Variants in PTPN9 observed in about 807,000 individuals in gnomAD.
The protein encoded by PTPN9 is tyrosine-protein phosphatase non-receptor type 9.
A neutral mutation model predicts 69.8 loss-of-function variants in PTPN9; 26 were observed. The ratio of observed to expected loss-of-function variants is 0.37; its 90% CI spans 0.27 to 0.52. The LOEUF (loss-of-function observed/expected upper bound fraction) is 0.52, where lower values mean the gene tolerates loss of function less well. PTPN9 is among the 20% of genes least tolerant of loss of function. PTPN9 has a pLI of 0.91. For missense variants in PTPN9, 549 were observed against 740.3 expected (o/e 0.74, Z 3.00); for synonymous variants, 274 against 272.5 (o/e 1.01, Z -0.05).
intron 7 of PTPN9, among the ~76,000 whole-genome samples, chr15:75,490,774 G>A (rs1407142178): frequency 6.6e-6 from 1 of 152,054 alleles, no homozygotes; most frequent in Non-Finnish European, 1.5e-5. Context: ...ACAGGCTCCC[G>A]CCACCACGCC....
intron 8 of PTPN9, among the ~76,000 whole-genome samples, chr15:75,483,815 A>G (rs747134249): frequency 1.3e-5 from 2 of 152,196 alleles, no homozygotes; most frequent in Non-Finnish European, 2.9e-5. Flanking sequence ...CAAACTGACA[A>G]ACTGCATCTG....
chr15:75,494,550 G>C (rs922492788), intron 7 of PTPN9, among the ~76,000 whole-genome samples: 1 of 151,464 alleles, frequency 6.6e-6, no homozygotes, highest in Admixed American at 6.6e-5. Context: ...ACGGGGTTTC[G>C]CCATGTTGGC....
intron 1 of PTPN9, among the ~76,000 whole-genome samples, chr15:75,570,498 A>C (rs766150334): frequency 1.6e-4 from 25 of 152,128 alleles, no homozygotes; most frequent in Admixed American, 6.6e-4. Context: ...GACTGGGCAC[A>C]GTGGCTCATG....
Position 75,527,250 on chromosome 15 carries a change from C to T in PTPN9, c.75G>A (p.Gln25=), listed in dbSNP as rs1269035303. 2 of 1,614,056 alleles carry T rather than the reference C, an allele frequency of 1.2e-6. No individual in the cohort carries two copies. The highest frequency in any genetic ancestry group is 1.7e-5 in the Admixed American group (1 of 59,990). ...TCCACTTGTTAATCTCTTCGAGAAA[C>T]TGCTTGGTAGCCTGTTTGACAAAGA... ...LTPEEEQATK[Q]FLEEINKWTV... is the part of the protein sequence containing the mutation. Residue 25 remains glutamine, a synonymous_variant, in exon 2 of 13, where the codon CAG becomes CAA. Transcript: ENST00000618819.
chr15:75,531,364 C>T (rs1323835526), intron 1 of PTPN9, among the ~76,000 whole-genome samples: 3 of 152,018 alleles, frequency 2.0e-5, no homozygotes, highest in Admixed American at 6.6e-5. Flanking sequence ...GCTGAAGCCA[C>T]GCCAGAGAAA....
At chr15:75,507,476 A>C (rs1366210353) in intron 6 of PTPN9, among the ~76,000 whole-genome samples, 2 of 149,680 alleles carry the variant, frequency 1.3e-5, no homozygotes, top group Non-Finnish European at 3.0e-5. Flanking sequence ...GAAAGAAAAG[A>C]TCTCTCCTGG....
intron 1 of PTPN9, among the ~76,000 whole-genome samples, chr15:75,537,034 T>C (rs921755643): frequency 6.6e-6 from 1 of 152,130 alleles, no homozygotes; most frequent in Non-Finnish European, 1.5e-5. Flanking sequence ...ACAAAGGAAC[T>C]TTTACAATTT....
At chr15:75,503,616 G>T (rs1334641732) in intron 7 of PTPN9, among the ~76,000 whole-genome samples, 2 of 141,982 alleles carry the variant, frequency 1.4e-5, no homozygotes, top group Admixed American at 6.8e-5. Context: ...CCCCCGCCCG[G>T]CCAGCCGCCC....
At position 75,468,825 on chromosome 15, in the gene PTPN9, C is replaced by T. The variant is rs2074549458; in HGVS notation, c.1726G>A (p.Glu576Lys). Reference protein sequence around the residue: ...FCYKAILEFAEKEGMVSSGQN... With the variant: ...FCYKAILEFAKKEGMVSSGQN... ...CCAGAGGATACCATGCCCTCCTTCTCTGCGAACTCCAGGATGGCCTTGTAG... is the reference window on the plus strand; with the variant it reads ...CCAGAGGATACCATGCCCTCCTTCTTTGCGAACTCCAGGATGGCCTTGTAG... The change falls in exon 13 of 13, where the codon GAG becomes AAG. Residue 576 changes from glutamate to lysine, a missense_variant. Physicochemically the swap from Glu to Lys is moderately conservative, Grantham distance 56. Coordinates refer to ENST00000618819, the MANE Select transcript of PTPN9 (RefSeq NM_002833.4). The T allele has an allele frequency of 1.2e-6, 2 of 1,614,072 alleles. No homozygotes were observed. The highest frequency in any genetic ancestry group is 2.7e-5 in the African/African-American group (2 of 74,930).
chr15:75,482,362 G>C (rs1230506812), intron 8 of PTPN9, among the ~76,000 whole-genome samples: 2 of 152,098 alleles, frequency 1.3e-5, no homozygotes, highest in Non-Finnish European at 2.9e-5. Flanking sequence ...TCAGGAGATC[G>C]AGACCATCCT....
chr15:75,471,609 G>GAA lies in PTPN9; in HGVS notation c.1209-781_1209-780dup, dbSNP rs35968452. On this transcript the variant is annotated intron_variant, in intron 10 of 12. Transcript: ENST00000618819. ...CAAAGTGAGACTCTGTCTCAAAAAA[G>GAA]AAAAAAAAAAAAAAAAAAGGCCTAG... is the stretch of plus-strand genomic sequence containing the variant. Among the ~76,000 whole-genome samples, 891 of 102,746 alleles carry GAA rather than the reference G, an allele frequency of 8.7e-3. 20 individuals are homozygous for GAA. The highest frequency in any genetic ancestry group is 0.024 in the African/African-American group (724 of 29,720). 67.4% of individuals were successfully genotyped at this position (102,746 alleles called of 152,430 possible). A position where few individuals can be genotyped will look rare whatever the true frequency, so the allele number is the denominator to read the frequency against.
chr15:75,504,178 G>A (rs1251297381), intron 7 of PTPN9, among the ~76,000 whole-genome samples: 6 of 124,540 alleles, frequency 4.8e-5, no homozygotes, highest in South Asian at 2.7e-4. Flanking sequence ...AGGGAGGTGG[G>A]GGGGTCAGCC....
intron 1 of PTPN9, among the ~76,000 whole-genome samples, chr15:75,570,507 T>C (rs1366608442): frequency 6.6e-6 from 1 of 152,188 alleles, no homozygotes; most frequent in African/African-American, 2.4e-5. Flanking sequence ...CAGTGGCTCA[T>C]GCCTGTAATC....
rs1036735876 is a variant in PTPN9, at chr15:75,503,093, G to T, written c.968+2582C>A. ...AAGTGAGGAGCGTCTCTGCCTGGCC[G>T]CCCATCGTCTGGGACGTGAGGAGCC... On this transcript the variant is annotated intron_variant, in intron 7 of 12. Coordinates refer to ENST00000618819, the MANE Select transcript of PTPN9 (RefSeq NM_002833.4). 3.3e-5 allele frequency among the ~76,000 whole-genome samples: 5 copies of T among 151,570 alleles called. No homozygotes were observed. The South Asian group carries it at 8.4e-4, about 25-fold the overall frequency.
Position 75,578,854 on chromosome 15 carries a change from G to C in PTPN9, c.-78C>G. On this transcript the variant is annotated 5_prime_UTR_variant, in exon 1 of 13. Transcript: ENST00000618819. ...CGGCGCGCTCGGCCTCCGCTTCCGC[G>C]TCCCCGCGCCTCAGCAGCCCGGGGC... is the stretch of plus-strand genomic sequence containing the variant. 2.0e-6 allele frequency: 2 copies of C among 1,025,424 alleles called. No individual in the cohort carries two copies. Among genetic ancestry groups the C allele is most frequent in the Non-Finnish European group, 2.5e-6 (2 of 813,928 alleles). 63.5% of individuals were successfully genotyped at this position (1,025,424 alleles called of 1,614,324 possible).
chr15:75,548,810 C>A (rs1316045586), intron 1 of PTPN9, among the ~76,000 whole-genome samples: 2 of 151,756 alleles, frequency 1.3e-5, no homozygotes, highest in African/African-American at 2.4e-5. Flanking sequence ...CCCGCCACCA[C>A]GCCCGGCTAA....
At chr15:75,578,022 T>TAAAA (rs1487700787) in intron 1 of PTPN9, among the ~76,000 whole-genome samples, 2 of 152,150 alleles carry the variant, frequency 1.3e-5, no homozygotes, top group Non-Finnish European at 2.9e-5. Context: ...CATAGGCTTT[T>TAAAA]AAGGAACAAT....
chr15:75,567,996 A>G (rs1192267592), intron 1 of PTPN9, among the ~76,000 whole-genome samples: 1 of 94,470 alleles, frequency 1.1e-5, no homozygotes, highest in African/African-American at 3.3e-5. Flanking sequence ...ACTCCGTCTC[A>G]AAAAAAAAAA....
intron 1 of PTPN9, among the ~76,000 whole-genome samples, chr15:75,558,105 G>A (rs1396255728): frequency 6.6e-6 from 1 of 152,092 alleles, no homozygotes; most frequent in African/African-American, 2.4e-5. Context: ...CAAGGCAGGC[G>A]GATCACGAGG....
Sources: gnomAD v4.1 joint callset for allele counts (sites outside exome capture counted in the v4.1 genomes callset) on GRCh38, gnomAD v4.1.1 for gene constraint, MANE v1.5 for transcripts, NCBI Gene and HGNC (gene_info 2026-07-23, HGNC 2026-07-21) for gene names.